Variants in UTRN observed in about 807,000 individuals in gnomAD.
The protein encoded by UTRN is utrophin.
A neutral mutation model predicts 463.9 loss-of-function variants in UTRN; 283 were observed. The ratio of observed to expected loss-of-function variants is 0.61; its 90% CI spans 0.55 to 0.67. The LOEUF (loss-of-function observed/expected upper bound fraction) is 0.67. Among genes scored for constraint, UTRN ranks in the 30% least tolerant of loss-of-function variants. The pLI is 0.00. For missense variants in UTRN, 3,922 were observed against 4,084.3 expected (o/e 0.96, Z 1.08); for synonymous variants, 1,442 against 1,431.5 (o/e 1.01, Z -0.17).
Position 144,820,287 on chromosome 6 carries a change from ATAAT to A in UTRN, c.9358-592_9358-589del, listed in dbSNP as rs1216304300. Among the ~76,000 whole-genome samples the A allele has an allele frequency of 5.9e-5, 9 of 152,236 alleles. No homozygotes were observed. The East Asian group carries it at 1.7e-3, about 29-fold the overall frequency. ...CTATTAAAAATGTAGTTCAGGTAAA[ATAAT>A]TATATGTCTGCATAGTTGGGAAAGG... On this transcript the variant is annotated intron_variant, in intron 65 of 74. Coordinates refer to ENST00000367545, the MANE Select transcript of UTRN (RefSeq NM_007124.3).
chr6:144,518,543 A>G (rs957692192), intron 39 of UTRN, among the ~76,000 whole-genome samples: 1 of 152,190 alleles, frequency 6.6e-6, no homozygotes, highest in Non-Finnish European at 1.5e-5. Context: ...TAGCTGAAAA[A>G]TGCGTTATCT....
At chr6:144,713,646 T>C (rs1786011494) in intron 53 of UTRN, among the ~76,000 whole-genome samples, 1 of 146,946 alleles carries the variant, frequency 6.8e-6, no homozygotes, top group African/African-American at 2.5e-5. Flanking sequence ...AAAAGCAGGG[T>C]GCAGTGGCTC....
chr6:144,793,802 G>A (rs1442133756), intron 62 of UTRN, 32 bp from the exon 63 acceptor site: 3 of 1,606,710 alleles, frequency 1.9e-6, no homozygotes, highest in Admixed American at 1.7e-5. Context: ...ATGGTAGACA[G>A]ATGAAAGTTA....
chr6:144,428,987 T>G (rs1487102169), intron 8 of UTRN, 94 bp downstream of exon 8: 2 of 803,482 alleles, frequency 2.5e-6, no homozygotes, highest in East Asian at 5.6e-5. Context: ...AAATGAATTA[T>G]GAGACTTGAA....
rs1782560799 is a variant in UTRN, at chr6:144,852,867, A to G, written c.*1870A>G. On this transcript the variant is annotated 3_prime_UTR_variant, in exon 75 of 75. Coordinates refer to ENST00000367545, the MANE Select transcript of UTRN (RefSeq NM_007124.3). ...AAAGAAAAGCTACGTAAAACACTAC[A>G]TTGTAACCTTCTAAGTAATAATAAA... is the stretch of plus-strand genomic sequence containing the variant. The G allele has an allele frequency of 6.6e-6, 1 of 152,646 alleles. No homozygotes were observed. The highest frequency in any genetic ancestry group is 1.5e-5 in the Non-Finnish European group (1 of 68,020). 9.5% of individuals were successfully genotyped at this position (152,646 alleles called of 1,614,324 possible).
intron 53 of UTRN, among the ~76,000 whole-genome samples, chr6:144,710,555 T>G (rs916286041): frequency 6.6e-6 from 1 of 152,210 alleles, no homozygotes; most frequent in African/African-American, 2.4e-5. Flanking sequence ...CTTGGGTGTT[T>G]TAATCAGTGT....
intron 51 of UTRN, among the ~76,000 whole-genome samples, chr6:144,662,459 A>G (rs1436594093): frequency 1.3e-5 from 2 of 152,212 alleles, no homozygotes; most frequent in Admixed American, 1.3e-4. Context: ...GCAGAGGTAG[A>G]GTCCCTTTAC....
chr6:144,570,755 A>G (rs1185852505), intron 50 of UTRN, among the ~76,000 whole-genome samples: 5 of 152,170 alleles, frequency 3.3e-5, no homozygotes, highest in Non-Finnish European at 7.3e-5. Context: ...TCTGAGGCCA[A>G]GTGCTCATGG....
chr6:144,337,124 C>T (rs1376777697), intron 2 of UTRN, among the ~76,000 whole-genome samples: 1 of 151,398 alleles, frequency 6.6e-6, no homozygotes, highest in Non-Finnish European at 1.5e-5. Context: ...CACACACAGA[C>T]ACACACACAC....
intron 51 of UTRN, among the ~76,000 whole-genome samples, chr6:144,662,340 C>T (rs1356970821): frequency 2.0e-5 from 3 of 152,192 alleles, no homozygotes; most frequent in African/African-American, 7.2e-5. Context: ...AACTAACCAC[C>T]TTCCCCCAAC....
intron 23 of UTRN, among the ~76,000 whole-genome samples, chr6:144,463,654 T>C (rs1789634340): frequency 6.6e-6 from 1 of 151,780 alleles, no homozygotes; most frequent in South Asian, 2.1e-4. Context: ...GGGATCTTTG[T>C]CTTTTTTAAA....
intron 53 of UTRN, among the ~76,000 whole-genome samples, chr6:144,715,454 G>A (rs889697447): frequency 2.0e-5 from 3 of 152,090 alleles, no homozygotes; most frequent in Admixed American, 1.3e-4. Context: ...CACAGCTCTC[G>A]GAATGGTCTG....
chr6:144,746,282 C>T (rs1586353518), intron 54 of UTRN, among the ~76,000 whole-genome samples: 1 of 151,900 alleles, frequency 6.6e-6, no homozygotes, highest in South Asian at 2.1e-4. Context: ...GAATTACAGG[C>T]GTGAGCTACC....
intron 3 of UTRN, among the ~76,000 whole-genome samples, chr6:144,407,565 AC>A (rs1380247991): frequency 6.6e-6 from 1 of 152,228 alleles, no homozygotes; most frequent in East Asian, 1.9e-4. Context: ...TGTTTTATTT[AC>A]CCAATACAAT....
At chr6:144,524,249 A>G (rs1174344629) in intron 41 of UTRN, among the ~76,000 whole-genome samples, 1 of 152,152 alleles carries the variant, frequency 6.6e-6, no homozygotes, top group Non-Finnish European at 1.5e-5. Flanking sequence ...ACATTCTTTT[A>G]CATACATCTT....
chr6:144,427,197 C>A (rs1426892227), intron 7 of UTRN, among the ~76,000 whole-genome samples: 3 of 151,974 alleles, frequency 2.0e-5, no homozygotes, highest in African/African-American at 7.3e-5. Flanking sequence ...CAATTGATTA[C>A]CCATATATAA....
At chr6:144,372,504 T>C (rs887749365) in intron 2 of UTRN, among the ~76,000 whole-genome samples, 1 of 150,880 alleles carries the variant, frequency 6.6e-6, no homozygotes, top group African/African-American at 2.5e-5. Flanking sequence ...TTTTATTTTA[T>C]TTTTTTTTGA....
chr6:144,609,202 C>T (rs1051190247), intron 51 of UTRN, among the ~76,000 whole-genome samples: 3 of 152,136 alleles, frequency 2.0e-5, no homozygotes, highest in African/African-American at 7.2e-5. Context: ...CTAGTAGAGA[C>T]TTGCTTTCCT....
At chr6:144,527,085 C>T (rs780984273) in intron 41 of UTRN, among the ~76,000 whole-genome samples, 5 of 152,130 alleles carry the variant, frequency 3.3e-5, no homozygotes, top group Non-Finnish European at 5.9e-5. Flanking sequence ...CAGACGTGAG[C>T]CACCACACCT....
Sources: allele counts gnomAD v4.1 joint callset (sites outside exome capture counted in the v4.1 genomes callset), GRCh38; gene constraint gnomAD v4.1.1; transcripts MANE v1.5; gene names NCBI Gene and HGNC (gene_info 2026-07-23, HGNC 2026-07-21).